Variants in NAALADL2 observed in about 807,000 individuals in gnomAD.
NAALADL2 encodes N-acetylated alpha-linked acidic dipeptidase like 2.
In NAALADL2, 76 loss-of-function variants were observed where a neutral mutation model predicts 87.2. That is an observed-to-expected ratio of 0.87 (90% confidence interval 0.72 to 1.05). The LOEUF (loss-of-function observed/expected upper bound fraction) is 1.05, where lower values mean the gene tolerates loss of function less well. Ranked by LOEUF, NAALADL2 falls within the 50% of genes least tolerant of loss-of-function variation. The probability of loss-of-function intolerance (pLI) is 0.00; values close to 1 mark genes in which losing one functional copy is unlikely to be tolerated. For missense variants in NAALADL2, 1,089 were observed against 945.8 expected (o/e 1.15, Z -1.99); for synonymous variants, 354 against 331.0 (o/e 1.07, Z -0.75).
intron 2 of NAALADL2, among the ~76,000 whole-genome samples, chr3:174,583,734 A>G (rs1010033480): frequency 2.6e-5 from 4 of 152,182 alleles, no homozygotes; most frequent in African/African-American, 9.6e-5. Flanking sequence ...TTGGAAAAGC[A>G]AGAATTTATA....
chr3:174,902,620 C>A (rs1732453178), intron 1 of NAALADL2, among the ~76,000 whole-genome samples: 1 of 152,038 alleles, frequency 6.6e-6, no homozygotes, highest in Non-Finnish European at 1.5e-5. Flanking sequence ...GGAGATACTG[C>A]AGAGACATCT....
At chr3:174,465,816 A>G (rs554496187) in intron 1 of NAALADL2, among the ~76,000 whole-genome samples, 24 of 151,446 alleles carry the variant, frequency 1.6e-4, no homozygotes, top group Non-Finnish European at 2.7e-4. Context: ...CTTTTTTTTT[A>G]GTATTACTAA....
intron 2 of NAALADL2, among the ~76,000 whole-genome samples, chr3:175,206,573 G>A (rs991026450): frequency 6.6e-6 from 1 of 151,672 alleles, no homozygotes; most frequent in East Asian, 1.9e-4. Flanking sequence ...AGTGGGAGGG[G>A]GGCGAAGGAT....
chr3:175,165,012 A>G (rs1733778469), intron 2 of NAALADL2, among the ~76,000 whole-genome samples: 1 of 152,150 alleles, frequency 6.6e-6, no homozygotes. Flanking sequence ...TCTACTGCAC[A>G]CCGCTCTGGG....
intron 3 of NAALADL2, among the ~76,000 whole-genome samples, chr3:174,837,945 G>C (rs756786952): frequency 6.9e-6 from 1 of 145,016 alleles, no homozygotes; most frequent in Non-Finnish European, 1.5e-5. Context: ...TAGAGAAAGA[G>C]AGAAACCTCC....
chr3:174,960,413 T>C (rs929775454), intron 1 of NAALADL2, among the ~76,000 whole-genome samples: 1 of 152,088 alleles, frequency 6.6e-6, no homozygotes, highest in African/African-American at 2.4e-5. Flanking sequence ...GTTCTGGCGA[T>C]GGAATGTCAA....
At chr3:174,900,356 A>C (rs1054653695) in intron 1 of NAALADL2, among the ~76,000 whole-genome samples, 3 of 152,110 alleles carry the variant, frequency 2.0e-5, no homozygotes, top group Non-Finnish European at 2.9e-5. Flanking sequence ...ATAACAAATA[A>C]AATCTTAAAT....
intron 2 of NAALADL2, among the ~76,000 whole-genome samples, chr3:174,712,291 C>T (rs1399912614): frequency 3.3e-5 from 5 of 151,622 alleles, no homozygotes; most frequent in Non-Finnish European, 5.9e-5. Flanking sequence ...ACGTCTGGCT[C>T]CTCTTCTTAA....
intron 13 of NAALADL2, among the ~76,000 whole-genome samples, chr3:175,763,308 T>G (rs886141905): frequency 2.0e-5 from 3 of 152,064 alleles, no homozygotes; most frequent in African/African-American, 7.2e-5. Flanking sequence ...CATTTTAGAT[T>G]TTGGCATCAA....
rs527463052 is a variant in NAALADL2, at chr3:175,748,611, A to G, written c.1991-6609A>G. On this transcript the variant is annotated intron_variant, in intron 12 of 13. Coordinates refer to ENST00000454872, the MANE Select transcript of NAALADL2 (RefSeq NM_207015.3). ...GGAAATACTATTAAAGAAAAAGCTT[A>G]CATTTGTTTGATATAAAAATGTTGT... Among the ~76,000 whole-genome samples the G allele has an allele frequency of 7.9e-5, 12 of 152,328 alleles. No homozygotes were observed. The South Asian group carries it at 2.5e-3, about 32-fold the overall frequency.
intron 1 of NAALADL2, among the ~76,000 whole-genome samples, chr3:174,488,782 G>A (rs948217163): frequency 9.2e-5 from 14 of 151,650 alleles, no homozygotes; most frequent in African/African-American, 3.1e-4. Context: ...CTAAATAAGC[G>A]GTTCTCATAT....
chr3:175,726,608 T>A (rs75410886), intron 11 of NAALADL2, among the ~76,000 whole-genome samples: 1 of 152,264 alleles, frequency 6.6e-6, no homozygotes, highest in Non-Finnish European at 1.5e-5. Context: ...GTGTGTCAGC[T>A]ACAGTGGTAG....
At chr3:175,005,555 A>G (rs1748896384) in intron 1 of NAALADL2, among the ~76,000 whole-genome samples, 1 of 152,200 alleles carries the variant, frequency 6.6e-6, no homozygotes, top group Non-Finnish European at 1.5e-5. Context: ...ATAAATAAAC[A>G]ATAAAATATT....
intron 5 of NAALADL2, among the ~76,000 whole-genome samples, chr3:175,369,212 T>G (rs1240735178): frequency 6.6e-6 from 1 of 152,148 alleles, no homozygotes; most frequent in Non-Finnish European, 1.5e-5. Context: ...AGCACCTGAC[T>G]GTATATATAT....
In NAALADL2 at chr3:174,461,726, C is replaced by T. The variant is rs192412790; in HGVS notation, c.-184+20694C>T. Among the ~76,000 whole-genome samples the T allele has an allele frequency of 1.6e-4, 24 of 152,182 alleles. No homozygotes were observed. The East Asian group carries it at 4.4e-3, about 28-fold the overall frequency. On this transcript the variant is annotated intron_variant, in intron 1 of 3. Transcript: ENST00000434257. ...ATCATTAACCAAGGTCTGCACTTAA[C>T]ATGATGCTCTTGATAGCTTTGGAAT... is the stretch of plus-strand genomic sequence containing the variant.
chr3:174,729,829 TTA>T (rs1732541985), intron 2 of NAALADL2, among the ~76,000 whole-genome samples: 3 of 152,114 alleles, frequency 2.0e-5, no homozygotes, highest in Admixed American at 2.0e-4. Flanking sequence ...TATCTTCTCA[TTA>T]TTTTTTAATG....
At chr3:174,479,541 T>C (rs1717427279) in intron 1 of NAALADL2, among the ~76,000 whole-genome samples, 1 of 152,102 alleles carries the variant, frequency 6.6e-6, no homozygotes, top group South Asian at 2.1e-4. Flanking sequence ...GAAAATCTTT[T>C]TGAGGGGCAG....
chr3:175,077,847 C>T (rs958559766), intron 1 of NAALADL2, among the ~76,000 whole-genome samples: 1 of 151,906 alleles, frequency 6.6e-6, no homozygotes, highest in African/African-American at 2.4e-5. Flanking sequence ...GAATCTTTAC[C>T]AATGGACTAC....
At chr3:174,862,278 A>G (rs541497018) in intron 1 of NAALADL2, among the ~76,000 whole-genome samples, 131 of 152,148 alleles carry the variant, frequency 8.6e-4, no homozygotes, top group African/African-American at 2.8e-3. Flanking sequence ...GTGGCACTCT[A>G]TCACTCCATC....
Sources: gnomAD v4.1 joint callset for allele counts (sites outside exome capture counted in the v4.1 genomes callset) on GRCh38, gnomAD v4.1.1 for gene constraint, MANE v1.5 for transcripts, NCBI Gene and HGNC (gene_info 2026-07-23, HGNC 2026-07-21) for gene names.